SEMA6D: variants seen among roughly 807,000 people sequenced by gnomAD.
SEMA6D encodes semaphorin-6D.
SEMA6D carries 35 observed loss-of-function variants against 106.6 expected under a neutral mutation model. The observed-to-expected ratio is 0.33, with a 90% CI of 0.25 to 0.44. SEMA6D has a LOEUF of 0.44. Among genes scored for constraint, SEMA6D ranks in the 20% least tolerant of loss-of-function variants. SEMA6D has a pLI of 1.00. For missense variants in SEMA6D, 1,185 were observed against 1,345.9 expected, an observed-to-expected ratio of 0.88 and a Z score of 1.87; for synonymous variants, 499 against 487.7, an observed-to-expected ratio of 1.02 and a Z score of -0.31.
intron 1 of SEMA6D, among the ~76,000 whole-genome samples, chr15:47,310,979 G>C (rs2036427256): frequency 6.6e-6 from 1 of 152,138 alleles, no homozygotes; most frequent in Admixed American, 6.6e-5. Flanking sequence ...CTGAACAAAA[G>C]TACAACACAA....
At chr15:47,648,107 G>C (rs1167021650) in intron 4 of SEMA6D, among the ~76,000 whole-genome samples, 1 of 152,086 alleles carries the variant, frequency 6.6e-6, no homozygotes, top group African/African-American at 2.4e-5. Flanking sequence ...TTATGGGCCT[G>C]TTTTCATATG....
chr15:47,535,177 T>C (rs1357924995), intron 3 of SEMA6D, among the ~76,000 whole-genome samples: 2 of 152,068 alleles, frequency 1.3e-5, no homozygotes, highest in African/African-American at 4.8e-5. Flanking sequence ...CAACAGAGTC[T>C]GAGAAAGCTG....
intron 1 of SEMA6D, among the ~76,000 whole-genome samples, chr15:47,280,251 C>G (rs1417518936): frequency 1.3e-5 from 2 of 152,028 alleles, no homozygotes; most frequent in Admixed American, 1.3e-4. Flanking sequence ...CTGGCTTAGT[C>G]TTGGGAGAGT....
At chr15:47,253,993 ATCTT>A (rs1401659258) in intron 1 of SEMA6D, among the ~76,000 whole-genome samples, 3 of 151,964 alleles carry the variant, frequency 2.0e-5, no homozygotes, top group African/African-American at 4.8e-5. Context: ...AGCATTGAGA[ATCTT>A]TCTATCTCCT....
intron 4 of SEMA6D, among the ~76,000 whole-genome samples, chr15:47,698,385 A>G (rs1040543279): frequency 2.0e-5 from 3 of 152,214 alleles, no homozygotes; most frequent in Admixed American, 1.3e-4. Flanking sequence ...AATTTTATAA[A>G]TGCTTTTTGC....
At chr15:47,228,307 A>T (rs894219037) in intron 1 of SEMA6D, among the ~76,000 whole-genome samples, 1 of 151,770 alleles carries the variant, frequency 6.6e-6, no homozygotes, top group African/African-American at 2.4e-5. Flanking sequence ...ACAAATGTAG[A>T]TTACTCCTGG....
At chr15:47,714,363 C>G (rs1017401843), upstream of SEMA6D, among the ~76,000 whole-genome samples, 1 of 151,638 alleles carries the variant, frequency 6.6e-6, no homozygotes, top group Non-Finnish European at 1.5e-5. Flanking sequence ...TAGTACTTAC[C>G]TTGTAGCATT....
intron 1 of SEMA6D, among the ~76,000 whole-genome samples, chr15:47,276,631 A>G (rs1209713436): frequency 6.6e-6 from 1 of 152,106 alleles, no homozygotes; most frequent in Admixed American, 6.6e-5. Context: ...AAAAAGATTC[A>G]CTTCAAAATA....
intron 1 of SEMA6D, chr15:47,380,580 TC>T (rs1259362982): frequency 2.0e-5 from 3 of 152,224 alleles, no homozygotes; most frequent in Non-Finnish European, 4.4e-5. Context: ...TTTATTTTAA[TC>T]CAATTTTATA....
chr15:47,645,359 T>G (rs544446492), intron 4 of SEMA6D, among the ~76,000 whole-genome samples: 3 of 152,322 alleles, frequency 2.0e-5, no homozygotes, highest in African/African-American at 7.2e-5. Context: ...CAATTTCTCC[T>G]TGTCCAGCCC....
At chr15:47,721,867 A>G (rs907974246) in intron 1 of SEMA6D, among the ~76,000 whole-genome samples, 1 of 152,020 alleles carries the variant, frequency 6.6e-6, no homozygotes, top group African/African-American at 2.4e-5. Flanking sequence ...TGGACACAGT[A>G]TGTAGATCAT....
intron 3 of SEMA6D, among the ~76,000 whole-genome samples, chr15:47,551,673 C>CTGTGTGTGTGTGTG (rs3050565): frequency 0.12 from 16,882 of 141,234 alleles, 1,226 homozygotes; most frequent in African/African-American, 0.18. Flanking sequence ...ATCTGGGACT[C>CTGTGTGTGTGTGTG]TGTGTGTGTG....
At chr15:47,538,292 T>C (rs562179438) in intron 3 of SEMA6D, among the ~76,000 whole-genome samples, 1 of 152,268 alleles carries the variant, frequency 6.6e-6, no homozygotes, top group East Asian at 1.9e-4. Flanking sequence ...TGGTCCAGGA[T>C]AGGTATCAAT....
At chr15:47,198,782 A>G (rs1399309246) in intron 1 of SEMA6D, among the ~76,000 whole-genome samples, 1 of 152,172 alleles carries the variant, frequency 6.6e-6, no homozygotes, top group Non-Finnish European at 1.5e-5. Flanking sequence ...CTTCCTTGAC[A>G]CCAATATTTT....
At chr15:47,770,039 CAG>C (rs1184683495) in intron 18 of SEMA6D, among the ~76,000 whole-genome samples, 4 of 152,050 alleles carry the variant, frequency 2.6e-5, no homozygotes, top group African/African-American at 9.7e-5. Flanking sequence ...ATAATTGTAT[CAG>C]AGTAATTATT....
chr15:47,587,476 C>T (rs1307746486), intron 3 of SEMA6D, among the ~76,000 whole-genome samples: 2 of 152,206 alleles, frequency 1.3e-5, no homozygotes, highest in African/African-American at 4.8e-5. Context: ...TATGTTGAAA[C>T]CCTTACAGTT....
chr15:47,320,201 C>G (rs891662672), intron 1 of SEMA6D, among the ~76,000 whole-genome samples: 4 of 152,134 alleles, frequency 2.6e-5, no homozygotes, highest in Admixed American at 2.6e-4. Flanking sequence ...CAGTGGATAT[C>G]TCTGTAGGGA....
intron 3 of SEMA6D, among the ~76,000 whole-genome samples, chr15:47,525,805 G>C (rs1166025851): frequency 6.6e-6 from 1 of 152,100 alleles, no homozygotes; most frequent in African/African-American, 2.4e-5. Context: ...AGCCTTGCAG[G>C]GGTCTCTGAA....
intron 1 of SEMA6D, chr15:47,730,241 C>G: frequency 6.5e-7 from 1 of 1,534,822 alleles, no homozygotes; most frequent in South Asian, 1.1e-5. Flanking sequence ...CCAGTGACGG[C>G]GGATCTCATC....
Sources: gnomAD v4.1 joint callset for allele counts (sites outside exome capture counted in the v4.1 genomes callset) on GRCh38, gnomAD v4.1.1 for gene constraint, MANE v1.5 for transcripts, NCBI Gene and HGNC (gene_info 2026-07-23, HGNC 2026-07-21) for gene names.